The following PMS2 variants were observed in gnomAD, a reference collection of about 807,000 sequenced individuals.
PMS2 encodes the protein PMS1 homolog 2, mismatch repair system component, also known as mismatch repair endonuclease PMS2.
A neutral mutation model predicts 90.0 loss-of-function variants in PMS2; 69 were observed. That is an observed-to-expected ratio of 0.77 (90% confidence interval 0.63 to 0.94). The LOEUF is 0.94. Among genes scored for constraint, PMS2 ranks in the 40% least tolerant of loss-of-function variants. The pLI, the probability that PMS2 is intolerant of heterozygous loss-of-function variation, is 0.00. For missense variants in PMS2, 966 were observed against 1,040.2 expected (o/e 0.93, Z 0.98); for synonymous variants, 332 against 375.1 (o/e 0.89, Z 1.33).
intron 12 of PMS2, among the ~76,000 whole-genome samples, chr7:5,979,800 T>G (rs1782132513): frequency 7.9e-6 from 1 of 126,090 alleles, no homozygotes. Context: ...GGATTACGAG[T>G]GTGAGCCACT....
chr7:5,995,406 T>C (rs1454113674), intron 8 of PMS2, 128 bp downstream of exon 8: 5 of 701,878 alleles, frequency 7.1e-6, no homozygotes, highest in African/African-American at 1.8e-5. Flanking sequence ...ATGCACAAAA[T>C]AAGATAATGT....
Position 6,003,777 on chromosome 7 carries a change from G to A in PMS2, c.266C>T (p.Thr89Ile), listed in dbSNP as rs1275124814. 3 of 1,604,540 alleles carry A rather than the reference G, an allele frequency of 1.9e-6. No homozygotes were observed. Among genetic ancestry groups the A allele is most frequent in the Non-Finnish European group, 2.5e-6 (3 of 1,176,868 alleles). Residue 89 changes from threonine (T) to isoleucine (I), a missense_variant, in exon 4 of 15, where the codon ACA becomes ATA. Physicochemically the swap from Thr to Ile is moderately conservative, Grantham distance 89. This residue lies in a region of PMS2 where 871 missense variants were observed against 802.4 expected (regional missense o/e 1.09). Coordinates refer to ENST00000265849, the MANE Select transcript of PMS2 (RefSeq NM_000535.7). ...NFEGLTLKHH[T>I]SKIQEFADLT... ...GTCGGCAAACTCTTGAATCTTAGAT[G>A]TGTGATGTTTCAGAGCTGAAAGAGA... is the stretch of plus-strand genomic sequence containing the variant.
chr7:5,980,956 A>G lies in PMS2; in HGVS notation c.2174+1868T>C, dbSNP rs534170006. 7.7e-3 allele frequency among the ~76,000 whole-genome samples: 1,173 copies of G among 151,714 alleles called. 40 individuals carry two copies. The highest frequency in any genetic ancestry group is 0.027 in the African/African-American group (1,129 of 41,074). On this transcript the variant is annotated intron_variant, in intron 12 of 14. Transcript: ENST00000265849. Reference sequence around the variant, plus strand: ...GAGAGTACTCAGTAAACTACACAGGAGAGTACTCAGCAAACTACACAGGTT... The same window carrying G: ...GAGAGTACTCAGTAAACTACACAGGGGAGTACTCAGCAAACTACACAGGTT...
intron 8 of PMS2, 62 bp from the exon 9 acceptor site, chr7:5,992,119 TAAC>T (rs1202065104): frequency 3.4e-6 from 3 of 878,724 alleles, no homozygotes; most frequent in Non-Finnish European, 5.8e-6. Context: ...CCCCGCATTC[TAAC>T]AACATTCTAT....
chr7:5,997,049 T>A (rs958378163), intron 7 of PMS2, among the ~76,000 whole-genome samples: 3 of 152,012 alleles, frequency 2.0e-5, no homozygotes, highest in African/African-American at 7.2e-5. Context: ...ACCCCGTCTC[T>A]ACTAAAAATA....
At chr7:5,983,393 G>C (rs1232433029) in intron 11 of PMS2, among the ~76,000 whole-genome samples, 2 of 151,466 alleles carry the variant, frequency 1.3e-5, no homozygotes, top group South Asian at 4.1e-4. Context: ...ACAGGCGTGA[G>C]CCACTGCGTT....
rs886062401 is a variant in PMS2, at chr7:5,987,406, C to A, written c.1359G>T (p.Met453Ile). The change falls in exon 11 of 15, where the codon ATG becomes ATT. Residue 453 changes from methionine (M) to isoleucine (I), a missense_variant. Physicochemically the swap from Met to Ile is conservative, Grantham distance 10. This residue lies in a region of PMS2 where 871 missense variants were observed against 802.4 expected (regional missense o/e 1.09). Coordinates refer to ENST00000265849, the MANE Select transcript of PMS2 (RefSeq NM_000535.7). ...RRSPLGQKRG[M>I]LSSSTSGAIS... ...TGGCACCTGAAGTGCTAGAAGACAG[C>A]ATACCCCTTTTCTGTCCTAGAGGGC... 6.2e-7 allele frequency: 1 copy of A among 1,614,180 alleles called. No individual in the cohort carries two copies. The highest frequency in any genetic ancestry group is 8.5e-7 in the Non-Finnish European group (1 of 1,180,012).
At chr7:5,998,987 C>T (rs1784766410) in intron 6 of PMS2, 121 bp downstream of exon 6, 1 of 964,208 alleles carries the variant, frequency 1.0e-6, no homozygotes, top group African/African-American at 2.6e-5. Flanking sequence ...GAGACTCCCT[C>T]TCAAAAAAAA....
chr7:5,992,063 C>A lies in PMS2; in HGVS notation c.904-6G>T, dbSNP rs1172293746. 2 of 1,472,800 alleles carry A rather than the reference C, an allele frequency of 1.4e-6. No homozygotes were observed. Among genetic ancestry groups the A allele is most frequent in the Admixed American group, 1.7e-5 (1 of 59,772 alleles). The allele number at this position is 1,472,800 out of a possible 1,614,324, so 91.2% of individuals were successfully genotyped here. ...TCATTCACGAGTCTGCAGACCTGCA[C>A]AAAATACAAGGAGTAGAAAAGAATA... On this transcript the variant is annotated splice_polypyrimidine_tract_variant and splice_region_variant and intron_variant, in intron 8 of 14. Transcript: ENST00000265849.
At chr7:5,994,644 C>T (rs927924992) in intron 8 of PMS2, among the ~76,000 whole-genome samples, 8 of 151,464 alleles carry the variant, frequency 5.3e-5, no homozygotes, top group South Asian at 2.1e-4. Flanking sequence ...GGCGTGGTGG[C>T]AGGCACCTGT....
intron 7 of PMS2, among the ~76,000 whole-genome samples, chr7:5,996,717 G>A (rs1784452652): frequency 6.6e-6 from 1 of 151,408 alleles, no homozygotes; most frequent in Non-Finnish European, 1.5e-5. Context: ...TCAGATGCCA[G>A]GAAAGTCAAA....
intron 10 of PMS2, 120 bp downstream of exon 10, chr7:5,989,680 A>T (rs1028047389): frequency 1.1e-5 from 8 of 753,472 alleles, no homozygotes; most frequent in Non-Finnish European, 1.7e-5. Context: ...AAAGAATTAA[A>T]AATGATAAAA....
intron 9 of PMS2, among the ~76,000 whole-genome samples, chr7:5,991,764 G>A (rs1429380566): frequency 7.2e-5 from 11 of 151,926 alleles, no homozygotes; most frequent in East Asian, 5.8e-4. Context: ...GCTTGAACCC[G>A]GGAGGCAGAG....
At chr7:5,995,688 T>A (rs2128777131) in intron 7 of PMS2, 55 bp from the exon 8 acceptor site, 1 of 1,143,496 alleles carries the variant, frequency 8.7e-7, no homozygotes, top group Non-Finnish European at 1.3e-6. Flanking sequence ...GGATTAGAAA[T>A]ACGATCACAT....
intron 1 of PMS2, 151 bp downstream of exon 1, chr7:6,008,846 C>T (rs1416888364): frequency 1.0e-6 from 1 of 961,468 alleles, no homozygotes; most frequent in Non-Finnish European, 1.7e-6. Context: ...GAGATCGCTG[C>T]AACACTGAGG....
intron 10 of PMS2, among the ~76,000 whole-genome samples, chr7:5,988,476 A>G (rs1310218837): frequency 6.6e-6 from 1 of 152,124 alleles, no homozygotes; most frequent in Non-Finnish European, 1.5e-5. Context: ...AGGCAGGAGA[A>G]TCACTTGAAC....
At chr7:5,994,669 G>C (rs899910644) in intron 8 of PMS2, among the ~76,000 whole-genome samples, 63 of 151,820 alleles carry the variant, frequency 4.1e-4, no homozygotes, top group African/African-American at 1.4e-3. Context: ...CCAGCTACTC[G>C]GGAGGCTGAG....
In PMS2 at chr7:5,986,918, A is replaced by G. The variant is rs1583314800; in HGVS notation, c.1847T>C (p.Val616Ala). The G allele has an allele frequency of 6.2e-7, 1 of 1,614,138 alleles. No individual in the cohort carries two copies. The highest frequency in any genetic ancestry group is 8.5e-7 in the Non-Finnish European group (1 of 1,180,016). ...DVAVKINKKVVPLDFSMSSLA... is the reference protein window; with the variant it reads ...DVAVKINKKVAPLDFSMSSLA... ...AGAACTCATAGAAAAGTCCAGGGGC[A>G]CAACTTTCTTATTAATTTTCACAGC... Residue 616 changes from valine (V) to alanine (A), a missense_variant, in exon 11 of 15, where the codon GTG becomes GCG. Transcript: ENST00000265849.
At chr7:5,998,609 G>T (rs750938016) in intron 6 of PMS2, among the ~76,000 whole-genome samples, 2 of 151,064 alleles carry the variant, frequency 1.3e-5, no homozygotes, top group African/African-American at 2.4e-5. Flanking sequence ...TAGGAGAATT[G>T]CTTCAACGCG....
Sources: gnomAD v4.1 joint callset for allele counts (sites outside exome capture counted in the v4.1 genomes callset) on GRCh38, gnomAD v4.1.1 for gene constraint, gnomAD v4.1.1 regional missense constraint, MANE v1.5 for transcripts, NCBI Gene and HGNC (gene_info 2026-07-23, HGNC 2026-07-21) for gene names.